AKAP6: variants seen among roughly 807,000 people sequenced by gnomAD.
AKAP6 encodes A-kinase anchoring protein 6, also known as A-kinase anchor protein 6.
In AKAP6, 58 loss-of-function variants were observed where a neutral mutation model predicts 188.5. That is an observed-to-expected ratio of 0.31 (90% CI 0.25 to 0.38). AKAP6 has a LOEUF of 0.38. AKAP6 is among the 10% of genes least tolerant of loss of function. The pLI is 1.00. For missense variants in AKAP6, 2,710 were observed against 2,740.0 expected (o/e 0.99, Z 0.24); for synonymous variants, 989 against 998.6 (o/e 0.99, Z 0.18).
intron 6 of AKAP6, among the ~76,000 whole-genome samples, chr14:32,600,043 A>G (rs1317189909): frequency 6.6e-6 from 1 of 152,234 alleles, no homozygotes; most frequent in African/African-American, 2.4e-5. Flanking sequence ...CAGATTATAA[A>G]TAAAAAATAG....
chr14:32,601,772 C>G (rs1290856257), intron 7 of AKAP6, among the ~76,000 whole-genome samples: 1 of 152,316 alleles, frequency 6.6e-6, no homozygotes, highest in East Asian at 1.9e-4. Context: ...GTATACACAG[C>G]AAGTTAAACA....
intron 1 of AKAP6, among the ~76,000 whole-genome samples, chr14:32,360,148 G>C (rs966487361): frequency 6.7e-6 from 1 of 150,040 alleles, no homozygotes; most frequent in African/African-American, 2.5e-5. Context: ...TTTTTTTCGA[G>C]ACAGGGGCTT....
At chr14:32,794,198 C>G (rs2033695306) in intron 12 of AKAP6, among the ~76,000 whole-genome samples, 1 of 152,144 alleles carries the variant, frequency 6.6e-6, no homozygotes, top group Admixed American at 6.6e-5. Context: ...CTCAAAATCA[C>G]ACAACTACGT....
intron 2 of AKAP6, among the ~76,000 whole-genome samples, chr14:32,496,713 C>G (rs996773200): frequency 6.6e-5 from 10 of 152,032 alleles, no homozygotes; most frequent in African/African-American, 2.4e-4. Context: ...TAGCTTGAAC[C>G]ATATGAAATT....
chr14:32,779,444 A>T (rs907307138), intron 12 of AKAP6, among the ~76,000 whole-genome samples: 1 of 149,824 alleles, frequency 6.7e-6, no homozygotes, highest in Non-Finnish European at 1.5e-5. Context: ...AAGGAAACCC[A>T]CTTTAAACAT....
chr14:32,373,891 A>G (rs1247471529), intron 1 of AKAP6, among the ~76,000 whole-genome samples: 3 of 152,190 alleles, frequency 2.0e-5, no homozygotes, highest in Non-Finnish European at 4.4e-5. Context: ...TAGGAAGAAA[A>G]ACCCTTACTC....
chr14:32,573,165 C>G (rs564153115), intron 4 of AKAP6, among the ~76,000 whole-genome samples: 1 of 152,242 alleles, frequency 6.6e-6, no homozygotes, highest in African/African-American at 2.4e-5. Context: ...TAGAAAATAA[C>G]AGGAAAGACA....
At chr14:32,676,472 A>G (rs1889430861) in intron 7 of AKAP6, among the ~76,000 whole-genome samples, 2 of 152,150 alleles carry the variant, frequency 1.3e-5, no homozygotes, top group African/African-American at 4.8e-5. Flanking sequence ...ATCAATAAAG[A>G]TACTAACATC....
chr14:32,723,872 GC>G (rs2030701235), intron 9 of AKAP6, among the ~76,000 whole-genome samples: 1 of 152,170 alleles, frequency 6.6e-6, no homozygotes, highest in Non-Finnish European at 1.5e-5. Flanking sequence ...ATTTATCCTT[GC>G]CCTACTCAAT....
At position 32,500,299 on chromosome 14, in the gene AKAP6, T is replaced by C. The variant is rs543485420; in HGVS notation, c.325-35255T>C. On this transcript the variant is annotated intron_variant, in intron 2 of 13. Coordinates refer to ENST00000280979, the MANE Select transcript of AKAP6 (RefSeq NM_004274.5). ...TTACCCACACATAACCCATGACCTG[T>C]TCATTTGGCAGATTGCCATGAAGTA... is the stretch of plus-strand genomic sequence containing the variant. Among the ~76,000 whole-genome samples the C allele has an allele frequency of 2.1e-4, 32 of 152,298 alleles. No individual in the cohort carries two copies. The South Asian group carries it at 2.5e-3, about 12-fold the overall frequency.
intron 5 of AKAP6, 106 bp from the exon 6 acceptor site, chr14:32,599,304 T>G (rs1885827667): frequency 1.2e-6 from 1 of 832,712 alleles, no homozygotes; most frequent in Non-Finnish European, 1.9e-6. Flanking sequence ...GTCTATTGGG[T>G]AAATTGGGCT....
chr14:32,732,691 ATCTC>A (rs750361093), intron 10 of AKAP6, 91 bp downstream of exon 10: 5 of 1,410,846 alleles, frequency 3.5e-6, no homozygotes, highest in South Asian at 1.2e-5. Context: ...AGGCACAAAT[ATCTC>A]TCTCTTTCAA....
chr14:32,777,959 A>G (rs1323481644), intron 12 of AKAP6, among the ~76,000 whole-genome samples: 1 of 152,156 alleles, frequency 6.6e-6, no homozygotes, highest in Non-Finnish European at 1.5e-5. Flanking sequence ...GGATCACTTG[A>G]GCCTGGGAGG....
intron 1 of AKAP6, among the ~76,000 whole-genome samples, chr14:32,423,108 G>A: frequency 6.6e-6 from 1 of 152,044 alleles, no homozygotes; most frequent in East Asian, 1.9e-4. Context: ...AGAAAAATTA[G>A]GTCTGTGTAT....
intron 8 of AKAP6, among the ~76,000 whole-genome samples, chr14:32,690,801 G>A (rs961784159): frequency 6.6e-6 from 1 of 152,070 alleles, no homozygotes; most frequent in Non-Finnish European, 1.5e-5. Flanking sequence ...CCCATAACAT[G>A]ATTAAGCTAC....
At chr14:32,585,007 G>C (rs746668612) in intron 5 of AKAP6, among the ~76,000 whole-genome samples, 2 of 148,298 alleles carry the variant, frequency 1.3e-5, no homozygotes, top group South Asian at 2.2e-4. Context: ...GTGAATAACT[G>C]TCATAAATAG....
At chr14:32,595,302 C>T (rs1422794728) in intron 5 of AKAP6, among the ~76,000 whole-genome samples, 1 of 152,010 alleles carries the variant, frequency 6.6e-6, no homozygotes, top group Non-Finnish European at 1.5e-5. Flanking sequence ...TAGCTGCTGT[C>T]TCTCCTGCTT....
intron 9 of AKAP6, among the ~76,000 whole-genome samples, chr14:32,725,383 G>C (rs946716306): frequency 6.6e-6 from 1 of 152,232 alleles, no homozygotes; most frequent in Non-Finnish European, 1.5e-5. Context: ...CCTTGGGCAC[G>C]TCAAAGCTTC....
chr14:32,500,931 T>C (rs953441809), intron 2 of AKAP6, among the ~76,000 whole-genome samples: 5 of 152,066 alleles, frequency 3.3e-5, no homozygotes, highest in Non-Finnish European at 7.4e-5. Flanking sequence ...AATGGACTCT[T>C]AAAGAACAAA....
Sources: allele counts gnomAD v4.1 joint callset (sites outside exome capture counted in the v4.1 genomes callset), GRCh38; gene constraint gnomAD v4.1.1; transcripts MANE v1.5; gene names NCBI Gene and HGNC (gene_info 2026-07-23, HGNC 2026-07-21).